The following LCORL variants were observed in gnomAD, a reference collection of about 807,000 sequenced individuals.
LCORL encodes ligand-dependent nuclear receptor corepressor-like protein.
In LCORL, 41 loss-of-function variants were observed where a neutral mutation model predicts 141.8. That is an observed-to-expected ratio of 0.29 (90% CI 0.23 to 0.38). LCORL has a LOEUF of 0.38. Ranked by LOEUF, LCORL falls within the 10% of genes least tolerant of loss-of-function variation. The pLI is 1.00. For missense variants in LCORL, 1,759 were observed against 2,035.0 expected (o/e 0.86, Z 2.61); for synonymous variants, 618 against 694.1 (o/e 0.89, Z 1.72).
At chr4:18,003,397 G>T (rs1577704594) in intron 1 of LCORL, among the ~76,000 whole-genome samples, 1 of 151,836 alleles carries the variant, frequency 6.6e-6, no homozygotes, top group South Asian at 2.1e-4. Flanking sequence ...TGAGAAGGAA[G>T]ATAAGTAAAA....
At chr4:17,852,858 T>C (rs1042413404) in intron 7 of LCORL, among the ~76,000 whole-genome samples, 2 of 152,114 alleles carry the variant, frequency 1.3e-5, no homozygotes, top group African/African-American at 4.8e-5. Flanking sequence ...AAAGTAAAAT[T>C]GTATCTAGCT....
At chr4:17,943,808 C>T (rs1560381541) in intron 4 of LCORL, among the ~76,000 whole-genome samples, 2 of 152,000 alleles carry the variant, frequency 1.3e-5, no homozygotes, top group African/African-American at 2.4e-5. Flanking sequence ...GAGTTTTTGG[C>T]GGGGGTAGGT....
chr4:17,938,466 G>A (rs534100172), intron 4 of LCORL, among the ~76,000 whole-genome samples: 1 of 148,738 alleles, frequency 6.7e-6, no homozygotes, highest in African/African-American at 2.5e-5. Context: ...GCCCAGGCTG[G>A]AGTGCAATGG....
At chr4:17,888,146 T>C (rs867783958) in intron 5 of LCORL, among the ~76,000 whole-genome samples, 2 of 152,126 alleles carry the variant, frequency 1.3e-5, no homozygotes, top group Non-Finnish European at 2.9e-5. Flanking sequence ...ATATTCCTGC[T>C]GCTTAGAATA....
chr4:17,932,985 C>T (rs1410113417), intron 4 of LCORL, among the ~76,000 whole-genome samples: 1 of 152,134 alleles, frequency 6.6e-6, no homozygotes, highest in Non-Finnish European at 1.5e-5. Context: ...TATTCTTTAA[C>T]TTCTTTGAAA....
intron 1 of LCORL, among the ~76,000 whole-genome samples, chr4:18,007,482 A>G (rs1723004678): frequency 6.6e-6 from 1 of 152,152 alleles, no homozygotes; most frequent in Non-Finnish European, 1.5e-5. Flanking sequence ...CTACAAATTT[A>G]ATACTGTATA....
At chr4:17,989,291 T>C (rs1266971364) in intron 1 of LCORL, among the ~76,000 whole-genome samples, 2 of 152,258 alleles carry the variant, frequency 1.3e-5, no homozygotes, top group African/African-American at 4.8e-5. Context: ...TGAAGTCACA[T>C]ACTATACTTG....
intron 5 of LCORL, among the ~76,000 whole-genome samples, chr4:17,890,741 G>A (rs75847011): frequency 0.12 from 18,721 of 151,904 alleles, 1,284 homozygotes; most frequent in South Asian, 0.24. Context: ...TAACACTACC[G>A]GAATTCAATT....
chr4:17,869,825 C>T (rs547541186), intron 7 of LCORL, among the ~76,000 whole-genome samples: 18 of 152,164 alleles, frequency 1.2e-4, no homozygotes, highest in Non-Finnish European at 1.9e-4. Flanking sequence ...TCAAATTTCT[C>T]ACATCTAAAG....
intron 1 of LCORL, among the ~76,000 whole-genome samples, chr4:18,001,615 A>G (rs1406342373): frequency 6.6e-6 from 1 of 152,224 alleles, no homozygotes; most frequent in Non-Finnish European, 1.5e-5. Context: ...GGTTCAGTAT[A>G]AAGAAAGAAA....
At chr4:17,901,108 A>G (rs546980109) in intron 5 of LCORL, among the ~76,000 whole-genome samples, 1 of 152,042 alleles carries the variant, frequency 6.6e-6, no homozygotes, top group Non-Finnish European at 1.5e-5. Context: ...AGGACAGAAC[A>G]TTATTCTAGT....
At chr4:17,985,027 A>G (rs1040397644) in intron 1 of LCORL, among the ~76,000 whole-genome samples, 1 of 152,124 alleles carries the variant, frequency 6.6e-6, no homozygotes. Flanking sequence ...AAAGATAAAC[A>G]ACGTGCTATT....
chr4:17,845,456 T>C, exon 8 of LCORL: 1 of 287,428 alleles, frequency 3.5e-6, no homozygotes, highest in Non-Finnish European at 6.5e-6. Context: ...TAGGGACAAT[T>C]ACGTATTTAA....
chr4:17,950,533 A>G (rs1739551705), intron 4 of LCORL, among the ~76,000 whole-genome samples: 4 of 152,206 alleles, frequency 2.6e-5, no homozygotes, highest in Non-Finnish European at 1.5e-5. Flanking sequence ...AGATGATACT[A>G]TTAGCCAATC....
At chr4:17,962,787 C>T (rs1328869312) in intron 3 of LCORL, among the ~76,000 whole-genome samples, 183 bp downstream of exon 3, 2 of 151,872 alleles carry the variant, frequency 1.3e-5, no homozygotes, top group African/African-American at 2.4e-5. Context: ...AGGATTTTCA[C>T]CTGCAAGTTA....
At chr4:17,883,149 T>G in intron 6 of LCORL, 1 of 981,386 alleles carries the variant, frequency 1.0e-6, no homozygotes, top group East Asian at 1.1e-4. Context: ...TCCTGGTGGA[T>G]GCACTTGAGT....
chr4:17,973,020 T>A, intron 1 of LCORL, 135 bp from the exon 2 acceptor site: 1 of 388,428 alleles, frequency 2.6e-6, no homozygotes. Flanking sequence ...TGCATTAAAC[T>A]GAAGTAGGCA....
intron 1 of LCORL, among the ~76,000 whole-genome samples, chr4:17,982,894 T>C (rs919440118): frequency 1.3e-5 from 2 of 152,222 alleles, no homozygotes; most frequent in African/African-American, 2.4e-5. Context: ...TTTTATACTT[T>C]TGGGTTTTAC....
intron 7 of LCORL, among the ~76,000 whole-genome samples, chr4:17,855,892 G>A (rs1229099979): frequency 6.6e-6 from 1 of 152,124 alleles, no homozygotes; most frequent in African/African-American, 2.4e-5. Flanking sequence ...TAGCATTATT[G>A]TGGCAATAAA....
Sources: gnomAD v4.1 joint callset for allele counts (sites outside exome capture counted in the v4.1 genomes callset) on GRCh38, gnomAD v4.1.1 for gene constraint, MANE v1.5 for transcripts, NCBI Gene and HGNC (gene_info 2026-07-23, HGNC 2026-07-21) for gene names.